TSPAN19: variants seen among roughly 807,000 people sequenced by gnomAD.
TSPAN19 encodes the protein tetraspanin 19.
In TSPAN19, 44 loss-of-function variants were observed where a neutral mutation model predicts 35.1. The observed-to-expected ratio is 1.25, with a 90% CI of 0.98 to 1.61. The LOEUF is 1.61. Ranked by LOEUF, TSPAN19 falls within the 40% of genes most tolerant of loss-of-function variation. The pLI is 0.00. For missense variants in TSPAN19, 290 were observed against 280.0 expected, an observed-to-expected ratio of 1.04 and a Z score of -0.26; for synonymous variants, 79 against 92.0, an observed-to-expected ratio of 0.86 and a Z score of 0.81.
intron 1 of TSPAN19, among the ~76,000 whole-genome samples, chr12:85,032,064 A>G (rs1311072155): frequency 6.6e-6 from 1 of 152,160 alleles, no homozygotes; most frequent in Non-Finnish European, 1.5e-5. Context: ...GAATAATGGT[A>G]ATCACTGGAA....
chr12:85,031,733 A>G (rs548145001), intron 1 of TSPAN19, among the ~76,000 whole-genome samples: 105 of 152,210 alleles, frequency 6.9e-4, no homozygotes, highest in Non-Finnish European at 1.3e-3. Context: ...GCTAACAGAA[A>G]GGGAAGGGGA....
chr12:85,026,537 G>T (rs1877422269), intron 4 of TSPAN19, among the ~76,000 whole-genome samples: 1 of 152,044 alleles, frequency 6.6e-6, no homozygotes, highest in Non-Finnish European at 1.5e-5. Context: ...GGAAATCAGG[G>T]TCCATACCTA....
rs1347112138 is a variant in TSPAN19 at position 85,036,234 on chromosome 12, C to T, written c.-58G>A. On this transcript the variant is annotated 5_prime_UTR_variant, in exon 1 of 9. Coordinates refer to ENST00000532498, the MANE Select transcript of TSPAN19 (RefSeq NM_001100917.2). Reference sequence around the variant, plus strand: ...AAAAACCGTAAGCTCCTCATCCAGTCCCTGAAATGCTGCGTTCGTTTCAAT... The same window carrying T: ...AAAAACCGTAAGCTCCTCATCCAGTTCCTGAAATGCTGCGTTCGTTTCAAT... The T allele has an allele frequency of 6.6e-6, 1 of 152,218 alleles. No individual in the cohort carries two copies. The highest frequency in any genetic ancestry group is 1.5e-5 in the Non-Finnish European group (1 of 68,040). The allele number at this position is 152,218 out of a possible 1,614,324, so 9.4% of individuals were successfully genotyped here.
intron 4 of TSPAN19, among the ~76,000 whole-genome samples, chr12:85,025,825 A>G (rs1877383944): frequency 6.6e-6 from 1 of 152,170 alleles, no homozygotes; most frequent in Admixed American, 6.5e-5. Context: ...CACCTGGCCC[A>G]AGACATGGAA....
intron 6 of TSPAN19, among the ~76,000 whole-genome samples, 182 bp from the exon 7 acceptor site, chr12:85,017,781 T>C (rs1876899002): frequency 6.6e-6 from 1 of 151,902 alleles, no homozygotes; most frequent in Non-Finnish European, 1.5e-5. Flanking sequence ...CTGCTATTAT[T>C]GTTGTCAGCC....
chr12:85,026,309 C>G (rs967428798), intron 4 of TSPAN19, among the ~76,000 whole-genome samples: 1 of 151,998 alleles, frequency 6.6e-6, no homozygotes, highest in African/African-American at 2.4e-5. Context: ...AAATCTGAAG[C>G]TCAGTGAGAA....
rs1876669966 is a variant in TSPAN19, at chr12:85,014,381, A to C, written c.*106T>G. 3 of 675,728 alleles carry C rather than the reference A, an allele frequency of 4.4e-6. No homozygotes were observed. The Admixed American group carries it at 1.0e-4, about 23-fold the overall frequency. 41.9% of individuals were successfully genotyped at this position (675,728 alleles called of 1,614,324 possible). A position where few individuals can be genotyped will look rare whatever the true frequency, so the allele number is the denominator to read the frequency against. On this transcript the variant is annotated 3_prime_UTR_variant, in exon 9 of 9. Transcript: ENST00000532498. The stretch of plus-strand genomic sequence containing the variant: ...ATATTACATATAATTAATAATTTGA[A>C]TACATCTGTTATTTAATACAATTCA...
At chr12:85,016,071 C>A in intron 7 of TSPAN19, 100 bp from the exon 8 acceptor site, 2 of 747,454 alleles carry the variant, frequency 2.7e-6, no homozygotes, top group Non-Finnish European at 4.0e-6. Flanking sequence ...AGTAATTTAC[C>A]AAAGTCTAAA....
chr12:85,017,449 T>G lies in TSPAN19; in HGVS notation c.594+7A>C. On this transcript the variant is annotated splice_region_variant and intron_variant, in intron 7 of 8. Transcript: ENST00000532498. ...AAATACTTGTAGAAGCCTAGATTTA[T>G]CTTTACCTCAAGGTAAGTTGCATTC... The G allele has an allele frequency of 6.2e-7, 1 of 1,604,680 alleles. No individual in the cohort carries two copies. The highest frequency in any genetic ancestry group is 8.5e-7 in the Non-Finnish European group (1 of 1,175,276).
intron 3 of TSPAN19, 71 bp downstream of exon 3, chr12:85,029,648 T>C (rs1204611170): frequency 1.7e-6 from 2 of 1,176,158 alleles, no homozygotes; most frequent in Non-Finnish European, 1.2e-6. Flanking sequence ...ACCTGCTGAA[T>C]AAATTGTGTA....
chr12:85,018,974 T>C (rs973289203), intron 6 of TSPAN19, among the ~76,000 whole-genome samples: 2 of 151,842 alleles, frequency 1.3e-5, no homozygotes, highest in Admixed American at 1.3e-4. Flanking sequence ...TCTATTTCTG[T>C]AAACCATTTA....
At chr12:85,034,195 A>G (rs959287601) in intron 1 of TSPAN19, among the ~76,000 whole-genome samples, 15 of 152,170 alleles carry the variant, frequency 9.9e-5, no homozygotes, top group Admixed American at 4.6e-4. Flanking sequence ...CTTTTACTCA[A>G]TAATTACGGT....
chr12:85,025,935 G>T (rs1468082480), intron 4 of TSPAN19, among the ~76,000 whole-genome samples: 1 of 152,162 alleles, frequency 6.6e-6, no homozygotes, highest in Non-Finnish European at 1.5e-5. Context: ...TAAATTCAGA[G>T]GAGAATAGCA....
At chr12:85,034,031 C>G (rs925051069) in intron 1 of TSPAN19, among the ~76,000 whole-genome samples, 1 of 152,008 alleles carries the variant, frequency 6.6e-6, no homozygotes, top group African/African-American at 2.4e-5. Context: ...CATAAATTCT[C>G]ATTTTTCTGT....
intron 3 of TSPAN19, 98 bp downstream of exon 3, chr12:85,029,621 T>C (rs1877585582): frequency 4.2e-6 from 4 of 958,378 alleles, no homozygotes; most frequent in Admixed American, 6.2e-5. Flanking sequence ...CTTAATAAAT[T>C]ACAGAGAAAT....
At position 85,014,594 on chromosome 12, in the gene TSPAN19, C is replaced by G. The variant is rs369007644; in HGVS notation, c.679-39G>C. On this transcript the variant is annotated intron_variant, in intron 8 of 8. Coordinates refer to ENST00000532498, the MANE Select transcript of TSPAN19 (RefSeq NM_001100917.2). ...GAACAATAAGAGATTAAAATTTAATCAATGATAAGAGTAATTTGCAAAGTT... is the reference window on the plus strand; with the variant it reads ...GAACAATAAGAGATTAAAATTTAATGAATGATAAGAGTAATTTGCAAAGTT... 11 of 1,455,478 alleles carry G rather than the reference C, an allele frequency of 7.6e-6. No individual in the cohort carries two copies. The Admixed American group carries it at 9.4e-5, about 12-fold the overall frequency. The allele number at this position is 1,455,478 out of a possible 1,614,324, so 90.2% of individuals were successfully genotyped here.
chr12:85,030,043 CT>C, intron 1 of TSPAN19, 70 bp from the exon 2 acceptor site: 3 of 1,162,424 alleles, frequency 2.6e-6, no homozygotes, highest in Non-Finnish European at 3.5e-6. Context: ...TACTTATGTT[CT>C]TTATTTGCAC....
chr12:85,029,899 G>A lies in TSPAN19; in HGVS notation c.48C>T (p.Leu16=). The part of the protein sequence containing the change: ...KTIIIKYFLN[L]INGAFLVLGL... ...TTCTTACCAAGAAAGCTCCATTAAT[G>A]AGATTAAGAAAGTACTTAATAATTA... is the stretch of plus-strand genomic sequence containing the variant. The change falls in exon 2 of 9, where the codon CTC becomes CTT. Residue 16 remains leucine (L), a synonymous_variant. Coordinates refer to ENST00000532498, the MANE Select transcript of TSPAN19 (RefSeq NM_001100917.2). 6.8e-7 allele frequency: 1 copy of A among 1,481,284 alleles called. No individual in the cohort carries two copies. Among genetic ancestry groups the A allele is most frequent in the Non-Finnish European group, 9.2e-7 (1 of 1,092,548 alleles). The allele number at this position is 1,481,284 out of a possible 1,614,324, so 91.8% of individuals were successfully genotyped here. A position where few individuals can be genotyped will look rare whatever the true frequency, so the allele number is the denominator to read the frequency against.
At chr12:85,017,707 TC>T in intron 6 of TSPAN19, 108 bp from the exon 7 acceptor site, 2 of 783,578 alleles carry the variant, frequency 2.6e-6, no homozygotes, top group Non-Finnish European at 3.9e-6. Flanking sequence ...CATTAATTTT[TC>T]CCCATGAACA....
Sources: allele counts gnomAD v4.1 joint callset (sites outside exome capture counted in the v4.1 genomes callset), GRCh38; gene constraint gnomAD v4.1.1; transcripts MANE v1.5; gene names NCBI Gene and HGNC (gene_info 2026-07-23, HGNC 2026-07-21).